PCDH15: variants seen among roughly 807,000 people sequenced by gnomAD.
PCDH15 encodes the protein protocadherin-15.
PCDH15 carries 129 observed loss-of-function variants against 178.5 expected under a neutral mutation model. The ratio of observed to expected loss-of-function variants is 0.72; its 90% confidence interval spans 0.63 to 0.84. The LOEUF is 0.84. PCDH15 is among the 40% of genes least tolerant of loss of function. The probability of loss-of-function intolerance (pLI) is 0.00; values close to 1 mark genes in which losing one functional copy is unlikely to be tolerated. For missense variants in PCDH15, 2,230 were observed against 2,099.9 expected (o/e 1.06, Z -1.21); for synonymous variants, 800 against 732.0 (o/e 1.09, Z -1.50).
At chr10:55,430,841 T>C (rs778593325) in intron 2 of PCDH15, among the ~76,000 whole-genome samples, 14 of 152,322 alleles carry the variant, frequency 9.2e-5, no homozygotes, top group African/African-American at 3.4e-4. Flanking sequence ...TTAATAATTA[T>C]ATTAGGAATT....
chr10:55,544,600 T>C (rs1044748889), intron 2 of PCDH15, among the ~76,000 whole-genome samples: 4 of 152,180 alleles, frequency 2.6e-5, no homozygotes, highest in African/African-American at 9.6e-5. Context: ...TTATTTTGTA[T>C]ATGATGGTGT....
At chr10:54,259,402 C>T (rs1312250369) in intron 8 of PCDH15, among the ~76,000 whole-genome samples, 2 of 151,960 alleles carry the variant, frequency 1.3e-5, no homozygotes, top group East Asian at 1.9e-4. Context: ...AAACAGTCTA[C>T]GTGAGAGAAT....
chr10:55,012,479 G>T (rs1840067310), intron 2 of PCDH15, among the ~76,000 whole-genome samples: 1 of 152,044 alleles, frequency 6.6e-6, no homozygotes, highest in Non-Finnish European at 1.5e-5. Context: ...TTCAAAATTT[G>T]TTTTTGCTTA....
intron 9 of PCDH15, among the ~76,000 whole-genome samples, chr10:54,229,651 A>G (rs2053848623): frequency 6.6e-6 from 1 of 152,144 alleles, no homozygotes; most frequent in South Asian, 2.1e-4. Context: ...TTTCCTTCAC[A>G]AGCTCTCTTT....
intron 2 of PCDH15, among the ~76,000 whole-genome samples, chr10:54,903,870 G>T (rs927320313): frequency 1.6e-4 from 25 of 152,030 alleles, no homozygotes; most frequent in Non-Finnish European, 3.2e-4. Flanking sequence ...TATGAAGAGC[G>T]TAGTTCCCTC....
rs1459171962 is a variant in PCDH15, at chr10:53,913,765, A to C, written c.3374-10395T>G. Reference sequence around the variant, plus strand: ...TCTCAAAAAAAAACCAAAAAACAAAAAACAAAAAAAAACAAAGAGCTTCTG... The same window carrying C: ...TCTCAAAAAAAAACCAAAAAACAAACAACAAAAAAAAACAAAGAGCTTCTG... On this transcript the variant is annotated intron_variant, in intron 25 of 37. Transcript: ENST00000644397. Among the ~76,000 whole-genome samples, 9 of 151,862 alleles carry C rather than the reference A, an allele frequency of 5.9e-5. No individual in the cohort carries two copies. The East Asian group carries it at 1.4e-3, about 23-fold the overall frequency.
At chr10:54,527,366 T>C (rs896075560) in intron 3 of PCDH15, among the ~76,000 whole-genome samples, 1 of 152,184 alleles carries the variant, frequency 6.6e-6, no homozygotes, top group Non-Finnish European at 1.5e-5. Context: ...TAGGTTTTCC[T>C]ATTAATCAGT....
intron 2 of PCDH15, among the ~76,000 whole-genome samples, chr10:55,130,689 G>A (rs1382366771): frequency 1.0e-3 from 23 of 22,532 alleles, no homozygotes; most frequent in African/African-American, 2.7e-3. Context: ...ACGTGTGTGT[G>A]TGTGTGTGTG....
intron 35 of PCDH15, among the ~76,000 whole-genome samples, chr10:53,814,754 G>A (rs1244736406): frequency 6.6e-6 from 1 of 151,856 alleles, no homozygotes; most frequent in East Asian, 1.9e-4. Context: ...TCACAAGGTC[G>A]AGAGACAGAG....
intron 2 of PCDH15, among the ~76,000 whole-genome samples, chr10:55,359,630 C>T (rs2131976604): frequency 6.6e-6 from 1 of 150,708 alleles, no homozygotes; most frequent in Middle Eastern, 3.4e-3. Flanking sequence ...TGTCTGTATT[C>T]CCATGTTTAT....
chr10:55,556,466 A>AT (rs1201265681), intron 2 of PCDH15, among the ~76,000 whole-genome samples: 3 of 152,228 alleles, frequency 2.0e-5, no homozygotes, highest in African/African-American at 7.2e-5. Flanking sequence ...TTCTGATACT[A>AT]TATGCTTTTC....
intron 15 of PCDH15, among the ~76,000 whole-genome samples, chr10:54,118,735 A>G (rs2095161306): frequency 6.6e-6 from 1 of 151,790 alleles, no homozygotes. Flanking sequence ...CTAAAAACTA[A>G]AACTATAATT....
chr10:53,902,493 T>A (rs557820869), intron 26 of PCDH15, among the ~76,000 whole-genome samples: 1 of 152,260 alleles, frequency 6.6e-6, no homozygotes, highest in African/African-American at 2.4e-5. Context: ...TGTCCAAAAT[T>A]AACTCCGCAA....
chr10:55,599,702 A>T, intron 2 of PCDH15: 1 of 371,488 alleles, frequency 2.7e-6, no homozygotes, highest in Non-Finnish European at 4.8e-6. Context: ...AACCCAATAC[A>T]GTCATGCTCT....
At chr10:55,218,634 C>T (rs954763337) in intron 1 of PCDH15, among the ~76,000 whole-genome samples, 1 of 151,940 alleles carries the variant, frequency 6.6e-6, no homozygotes, top group Non-Finnish European at 1.5e-5. Flanking sequence ...ATAGGTAAGC[C>T]ATCAAAGCAA....
At chr10:54,843,812 T>C (rs1190327632) in intron 3 of PCDH15, among the ~76,000 whole-genome samples, 1 of 152,004 alleles carries the variant, frequency 6.6e-6, no homozygotes, top group African/African-American at 2.4e-5. Context: ...TGATACATCT[T>C]ACGGGGATCA....
At chr10:55,305,974 T>A (rs1357843248) in intron 1 of PCDH15, among the ~76,000 whole-genome samples, 2 of 152,184 alleles carry the variant, frequency 1.3e-5, no homozygotes, top group Non-Finnish European at 2.9e-5. Flanking sequence ...CATAATAAAG[T>A]AATATTTATT....
intron 2 of PCDH15, among the ~76,000 whole-genome samples, chr10:55,374,828 A>T (rs1179195298): frequency 6.6e-6 from 1 of 152,084 alleles, no homozygotes; most frequent in Non-Finnish European, 1.5e-5. Flanking sequence ...CCTCACTGGC[A>T]TTCCATAAAT....
intron 37 of PCDH15, chr10:53,809,269 C>A (rs774700351): frequency 6.2e-7 from 1 of 1,613,932 alleles, no homozygotes; most frequent in South Asian, 1.1e-5. Context: ...TTCTACAGTG[C>A]TTTCTGTTGC....
Sources: allele counts gnomAD v4.1 joint callset (sites outside exome capture counted in the v4.1 genomes callset), GRCh38; gene constraint gnomAD v4.1.1; transcripts MANE v1.5; gene names NCBI Gene and HGNC (gene_info 2026-07-23, HGNC 2026-07-21).